The following ISLR2 variants were observed in gnomAD, a reference collection of about 807,000 sequenced individuals.
ISLR2 encodes the protein immunoglobulin superfamily containing leucine rich repeat 2.
Under a neutral mutation model 25.5 loss-of-function variants are expected in ISLR2, and 16 were observed. The ratio of observed to expected loss-of-function variants is 0.63; its 90% CI spans 0.43 to 0.95. The LOEUF (loss-of-function observed/expected upper bound fraction) is 0.95, where lower values mean the gene tolerates loss of function less well. Ranked by LOEUF, ISLR2 falls within the 40% of genes least tolerant of loss-of-function variation. ISLR2 has a pLI of 0.00. For missense variants in ISLR2, 883 were observed against 1,030.7 expected (o/e 0.86, Z 1.96); for synonymous variants, 508 against 486.6 (o/e 1.04, Z -0.58).
intron 2 of ISLR2, among the ~76,000 whole-genome samples, chr15:74,112,592 A>T (rs1177987984): frequency 1.3e-5 from 2 of 148,962 alleles, no homozygotes; most frequent in Non-Finnish European, 3.0e-5. Context: ...CAATGGTGCC[A>T]TCTCAGCTCG....
chr15:74,129,195 G>C (rs1223357602), upstream of ISLR2: 1 of 378,686 alleles, frequency 2.6e-6, no homozygotes, highest in Non-Finnish European at 5.3e-6. This position sits in a 1 kb window ranked among gnomAD's most constrained non-coding sequence, Gnocchi z 4.5. Flanking sequence ...TGGGCCGCCC[G>C]TAGCGACGGC....
At chr15:74,131,713 C>T (rs1385038853) in intron 2 of ISLR2, among the ~76,000 whole-genome samples, 2 of 152,182 alleles carry the variant, frequency 1.3e-5, no homozygotes, top group Non-Finnish European at 2.9e-5. Context: ...CAATGGGAGC[C>T]GCCTGAGGGA....
At chr15:74,111,523 A>G (rs1278076217) in intron 2 of ISLR2, among the ~76,000 whole-genome samples, 2 of 152,006 alleles carry the variant, frequency 1.3e-5, no homozygotes, top group Non-Finnish European at 2.9e-5. Context: ...TCCTGGCTTC[A>G]ACTGATCCAC....
At chr15:74,129,105 G>T (rs1285898721), upstream of ISLR2, 8 of 455,522 alleles carry the variant, frequency 1.8e-5, no homozygotes, top group Admixed American at 2.4e-5. This position sits in a 1 kb window ranked among gnomAD's most constrained non-coding sequence, Gnocchi z 4.5. Flanking sequence ...TCGGCGGGGG[G>T]GGACTCCAGG....
Position 74,132,982 on chromosome 15 carries a change from G to A in ISLR2, c.228G>A (p.Gln76=). The A allele has an allele frequency of 6.2e-7, 1 of 1,613,984 alleles. No individual in the cohort carries two copies. The highest frequency in any genetic ancestry group is 2.2e-5 in the East Asian group (1 of 44,882). ...LRRGAFADVT[Q]VTSLWLAHNE... The stretch of plus-strand genomic sequence containing the variant: ...GCGGGGCCTTCGCCGACGTCACACA[G>A]GTCACGTCGCTGTGGCTGGCGCACA... The change falls in exon 3 of 3, where the codon CAG becomes CAA. Residue 76 remains glutamine (Q), a synonymous_variant. Transcript: ENST00000453268. This position sits in a 1 kb window ranked among gnomAD's most constrained non-coding sequence, Gnocchi z 4.3.
intron 1 of ISLR2, among the ~76,000 whole-genome samples, chr15:74,101,980 C>T (rs1252105110): frequency 1.4e-5 from 2 of 139,706 alleles, no homozygotes; most frequent in Non-Finnish European, 3.1e-5. Flanking sequence ...TTTGGGAGGC[C>T]GAGGCAGGCA....
intron 2 of ISLR2, among the ~76,000 whole-genome samples, chr15:74,117,892 C>T (rs2072223039): frequency 6.6e-6 from 1 of 152,168 alleles, no homozygotes; most frequent in African/African-American, 2.4e-5. Flanking sequence ...TCTCACCTTC[C>T]ACCATTCCCA....
chr15:74,134,246 G>T lies in ISLR2; in HGVS notation c.1492G>T (p.Ala498Ser), dbSNP rs1224069777. ...VIALDVAERE[A>S]RVQLTPLAAR... ...CGCGCTGGATGTGGCGGAGCGCGAG[G>T]CGCGGGTGCAGCTGACTCCGCTGGC... Residue 498 changes from alanine (A) to serine (S), a missense_variant, in exon 3 of 3, where the codon GCG becomes TCG. By Grantham distance (99) the Ala-to-Ser change is moderately conservative (BLOSUM62 1). Transcript: ENST00000453268. 1.3e-6 allele frequency: 2 copies of T among 1,584,232 alleles called. No homozygotes were observed. The highest frequency in any genetic ancestry group is 1.7e-6 in the Non-Finnish European group (2 of 1,165,404).
Position 74,134,513 on chromosome 15 carries a change from C to T in ISLR2, c.1759C>T (p.Leu587Phe). The change falls in exon 3 of 3, where the codon CTC becomes TTC. Residue 587 changes from leucine (L) to phenylalanine (F), a missense_variant. By Grantham distance (22) the Leu-to-Phe change is conservative. Coordinates refer to ENST00000453268, the MANE Select transcript of ISLR2 (RefSeq NM_020851.3). ...VQVVFSTKKE[L>F]PSLLVIVAVS... ...AGTGGTGTTTTCCACCAAGAAGGAG[C>T]TCCCATCGCTGCTGGTCATAGTGGC... 6.2e-7 allele frequency: 1 copy of T among 1,613,968 alleles called. No homozygotes were observed. Among genetic ancestry groups the T allele is most frequent in the Non-Finnish European group, 8.5e-7 (1 of 1,180,020 alleles).
Position 74,133,191 on chromosome 15 carries a change from T to C in ISLR2, c.437T>C (p.Leu146Pro). The C allele has an allele frequency of 6.2e-7, 1 of 1,613,200 alleles. No individual in the cohort carries two copies. Residue 146 changes from leucine to proline, a missense_variant, in exon 3 of 3, where the codon CTA becomes CCA. Around this residue, in one of 2 missense-constraint regions of ISLR2, gnomAD observed 271 missense variants for 387.9 expected, o/e 0.70. Coordinates refer to ENST00000453268, the MANE Select transcript of ISLR2 (RefSeq NM_020851.3). ...CTGCCCCGGGACGCACTCGGTGCGC[T>C]ACCCGACCTGCGTTCCCTGCGCATC... ...GSLPRDALGA[L>P]PDLRSLRINN...
At chr15:74,140,737 G>A (rs1191990647), downstream of ISLR2, among the ~76,000 whole-genome samples, 5 of 152,136 alleles carry the variant, frequency 3.3e-5, no homozygotes, top group South Asian at 1.0e-3. Context: ...AATCCTGCTG[G>A]GCAGTTCGGA....
chr15:74,125,919 A>G (rs563224895), upstream of ISLR2: 1 of 152,236 alleles, frequency 6.6e-6, no homozygotes, highest in South Asian at 2.1e-4. Context: ...TAAATACTTA[A>G]ACAGAATGTA....
At chr15:74,108,583 C>A (rs1040263754) in intron 2 of ISLR2, among the ~76,000 whole-genome samples, 74 of 152,222 alleles carry the variant, frequency 4.9e-4, no homozygotes, top group African/African-American at 1.8e-3. Context: ...GAAACTGGTT[C>A]CACCTGGGCC....
chr15:74,141,716 A>G (rs1461453586), downstream of ISLR2, among the ~76,000 whole-genome samples: 1 of 152,174 alleles, frequency 6.6e-6, no homozygotes, highest in Non-Finnish European at 1.5e-5. Context: ...AAGAGCACAG[A>G]GGGTTAGTAG....
In ISLR2 at chr15:74,132,686, G is replaced by C; in HGVS notation, c.-8-61G>C. 1 of 1,546,122 alleles carries C rather than the reference G, an allele frequency of 6.5e-7. No homozygotes were observed. The highest frequency in any genetic ancestry group is 1.2e-5 in the South Asian group (1 of 80,824). ...GCTTGCGGAGGCACAGCTTGATAGG[G>C]GAGGTAAGCTGGGGTTCAGTGAGTC... On this transcript the variant is annotated intron_variant, in intron 2 of 2. Transcript: ENST00000453268. The surrounding 1 kb of genome is among the most constrained non-coding windows in gnomAD (Gnocchi z 4.3).
At position 74,135,606 on chromosome 15, in the gene ISLR2, A is replaced by G. The variant is rs1194150909; in HGVS notation, c.*614A>G. On this transcript the variant is annotated 3_prime_UTR_variant, in exon 3 of 3. Transcript: ENST00000453268. The stretch of plus-strand genomic sequence containing the variant: ...ATCTTCCGCCTCCCGGGTTCAAGCG[A>G]TTCTCCTGCCTCAGCCTGCCTAGTA... 2 of 154,196 alleles carry G rather than the reference A, an allele frequency of 1.3e-5. No individual in the cohort carries two copies. Among genetic ancestry groups the G allele is most frequent in the African/African-American group, 4.9e-5 (2 of 41,150 alleles). The allele number at this position is 154,196 out of a possible 1,614,324, so 9.6% of individuals were successfully genotyped here. A position where few individuals can be genotyped will look rare whatever the true frequency, so the allele number is the denominator to read the frequency against.
chr15:74,113,541 T>C (rs986397547), intron 2 of ISLR2, among the ~76,000 whole-genome samples: 8 of 152,240 alleles, frequency 5.3e-5, no homozygotes, highest in Non-Finnish European at 8.8e-5. Context: ...TGTTGGACGT[T>C]GTGAACCTTC....
chr15:74,132,952 G>A lies in ISLR2; in HGVS notation c.198G>A (p.Leu66=). ...TGTCCGCGAACAAGATCACTGTGCT[G>A]CGGCGCGGGGCCTTCGCCGACGTCA... The part of the protein sequence containing the change: ...LSLSANKITV[L]RRGAFADVTQ... The change falls in exon 3 of 3, where the codon CTG becomes CTA. Residue 66 remains leucine (L), a synonymous_variant. Coordinates refer to ENST00000453268, the MANE Select transcript of ISLR2 (RefSeq NM_020851.3). This position sits in a 1 kb window ranked among gnomAD's most constrained non-coding sequence, Gnocchi z 4.3. 6.2e-7 allele frequency: 1 copy of A among 1,614,044 alleles called. No individual in the cohort carries two copies. Among genetic ancestry groups the A allele is most frequent in the Non-Finnish European group, 8.5e-7 (1 of 1,179,944 alleles).
At chr15:74,114,590 G>A (rs529896609) in intron 2 of ISLR2, among the ~76,000 whole-genome samples, 1 of 151,440 alleles carries the variant, frequency 6.6e-6, no homozygotes, top group South Asian at 2.1e-4. Context: ...GCCACTTGGG[G>A]TGACAGAGCA....
Sources: allele counts gnomAD v4.1 joint callset (sites outside exome capture counted in the v4.1 genomes callset), GRCh38; gene constraint gnomAD v4.1.1; regional missense constraint gnomAD v4.1.1; non-coding constraint Gnocchi (gnomAD v3.1); transcripts MANE v1.5; gene names NCBI Gene and HGNC (gene_info 2026-07-23, HGNC 2026-07-21).